Variants in PRKD1 observed in about 807,000 individuals in gnomAD.
PRKD1 encodes the protein serine/threonine-protein kinase D1.
PRKD1 carries 63 observed loss-of-function variants against 95.9 expected under a neutral mutation model. The ratio of observed to expected loss-of-function variants is 0.66; its 90% CI spans 0.54 to 0.81. The LOEUF is 0.81. Ranked by LOEUF, PRKD1 falls within the 30% of genes least tolerant of loss-of-function variation. PRKD1 has a pLI of 0.00. For missense variants in PRKD1, 1,048 were observed against 1,165.3 expected (o/e 0.90, Z 1.47); for synonymous variants, 425 against 423.1 (o/e 1.00, Z -0.05).
At chr14:29,767,488 A>G (rs1248702920) in intron 1 of PRKD1, among the ~76,000 whole-genome samples, 3 of 152,148 alleles carry the variant, frequency 2.0e-5, no homozygotes, top group African/African-American at 7.2e-5. Context: ...CTGGTCTCTC[A>G]TATATACATC....
chr14:29,770,467 C>T (rs528930633), intron 1 of PRKD1, among the ~76,000 whole-genome samples: 94 of 152,140 alleles, frequency 6.2e-4, no homozygotes, highest in African/African-American at 2.0e-3. Flanking sequence ...CCTAAGAGGT[C>T]GTGATCAAAA....
intron 1 of PRKD1, among the ~76,000 whole-genome samples, chr14:29,916,276 G>A (rs1423254837): frequency 6.6e-6 from 1 of 152,188 alleles, no homozygotes; most frequent in Non-Finnish European, 1.5e-5. Context: ...TACTCCGCTT[G>A]TAAAAAGCAA....
At position 29,599,119 on chromosome 14, in the gene PRKD1, C is replaced by T. The variant is rs758594741; in HGVS notation, c.2074G>A (p.Val692Met). The stretch of plus-strand genomic sequence containing the variant: ...TTAAAATGAAGGTGCCGCAAAGCCA[C>T]GAGTATCTGTAAAGAAGAATCACCA... Reference protein sequence around the residue: ...ITKFLITQILVALRHLHFKNI... With the variant: ...ITKFLITQILMALRHLHFKNI... The change falls in exon 15 of 18, where the codon GTG becomes ATG. Residue 692 changes from valine (V) to methionine (M), a missense_variant. By Grantham distance (21) the Val-to-Met change is conservative. Around this residue, in one of 3 missense-constraint regions of PRKD1, gnomAD observed 739 missense variants for 861.9 expected, o/e 0.86. Transcript: ENST00000331968. 20 of 1,612,286 alleles carry T rather than the reference C, an allele frequency of 1.2e-5. No individual in the cohort carries two copies. Among genetic ancestry groups the T allele is most frequent in the Admixed American group, 3.3e-5 (2 of 59,966 alleles).
At chr14:29,859,417 G>C (rs1892624635) in intron 1 of PRKD1, among the ~76,000 whole-genome samples, 2 of 152,066 alleles carry the variant, frequency 1.3e-5, no homozygotes, top group Admixed American at 6.6e-5. Context: ...GACCATCCTG[G>C]CTAACACGGT....
At chr14:29,890,009 G>C (rs932865769) in intron 1 of PRKD1, among the ~76,000 whole-genome samples, 5 of 152,180 alleles carry the variant, frequency 3.3e-5, no homozygotes, top group Non-Finnish European at 7.3e-5. Flanking sequence ...AAGGAACAGT[G>C]TCTAATTTTC....
intron 1 of PRKD1, among the ~76,000 whole-genome samples, chr14:29,784,333 C>A (rs1889176009): frequency 6.6e-6 from 1 of 152,056 alleles, no homozygotes; most frequent in Non-Finnish European, 1.5e-5. Context: ...TGTGATGCCT[C>A]CAGCTTTGTT....
intron 1 of PRKD1, among the ~76,000 whole-genome samples, chr14:29,783,865 T>C (rs1889155004): frequency 6.6e-6 from 1 of 152,200 alleles, no homozygotes; most frequent in African/African-American, 2.4e-5. Flanking sequence ...GTTGAGTTTG[T>C]TGTATATTCT....
chr14:29,850,527 T>C (rs1042680976), intron 1 of PRKD1, among the ~76,000 whole-genome samples: 1 of 142,188 alleles, frequency 7.0e-6, no homozygotes, highest in Non-Finnish European at 1.5e-5. Flanking sequence ...AACCAAGGAG[T>C]TGAAAGATCT....
At chr14:29,853,111 T>A (rs1892370436) in intron 1 of PRKD1, among the ~76,000 whole-genome samples, 1 of 152,162 alleles carries the variant, frequency 6.6e-6, no homozygotes, top group African/African-American at 2.4e-5. Flanking sequence ...CAAAATAGAC[T>A]TTAAATCAGA....
Position 29,826,828 on chromosome 14 carries a change from T to TAC in PRKD1, c.264+100420_264+100421insGT, listed in dbSNP as rs1382731692. ...ACATATATATACACATATATATATA[T>TAC]ATATATATATACACACATATATATA... On this transcript the variant is annotated intron_variant, in intron 1 of 17. Coordinates refer to ENST00000331968, the MANE Select transcript of PRKD1 (RefSeq NM_002742.3). 8.5e-5 allele frequency among the ~76,000 whole-genome samples: 3 copies of TAC among 35,286 alleles called. 1 individual carries two copies. Among genetic ancestry groups the TAC allele is most frequent in the African/African-American group, 2.0e-4 (2 of 9,788 alleles). The allele number at this position is 35,286 out of a possible 152,430, so 23.1% of individuals were successfully genotyped here.
At chr14:29,905,548 G>C (rs939128468) in intron 1 of PRKD1, among the ~76,000 whole-genome samples, 3 of 151,978 alleles carry the variant, frequency 2.0e-5, no homozygotes, top group African/African-American at 7.2e-5. Flanking sequence ...CAGCTTCTCA[G>C]TTCTTTAATA....
intron 1 of PRKD1, among the ~76,000 whole-genome samples, chr14:29,792,098 A>G (rs1594523042): frequency 1.3e-5 from 2 of 152,128 alleles, no homozygotes; most frequent in African/African-American, 4.8e-5. Context: ...TGATAGATCA[A>G]CAAAACTGAA....
At chr14:29,611,677 C>A (rs912521630) in intron 13 of PRKD1, among the ~76,000 whole-genome samples, 1 of 150,646 alleles carries the variant, frequency 6.6e-6, no homozygotes, top group African/African-American at 2.4e-5. Flanking sequence ...AAGTATGACC[C>A]CCTTCCCTTC....
chr14:29,804,871 C>T (rs565975100), intron 1 of PRKD1, among the ~76,000 whole-genome samples: 56 of 152,112 alleles, frequency 3.7e-4, no homozygotes, highest in Non-Finnish European at 6.3e-4. Context: ...TGACATTAAT[C>T]GATAACAATT....
At chr14:29,821,818 C>G (rs1386521343) in intron 1 of PRKD1, among the ~76,000 whole-genome samples, 1 of 152,054 alleles carries the variant, frequency 6.6e-6, no homozygotes, top group Non-Finnish European at 1.5e-5. Flanking sequence ...CAATAGCATC[C>G]TCCACATGAA....
chr14:29,702,967 C>T (rs1399101857), intron 2 of PRKD1, among the ~76,000 whole-genome samples: 1 of 151,816 alleles, frequency 6.6e-6, no homozygotes. Flanking sequence ...TTTGTTTGTC[C>T]TTTCTATTTT....
At chr14:29,666,038 C>T (rs1882481061) in intron 3 of PRKD1, 39 bp downstream of exon 3, 1 of 1,551,776 alleles carries the variant, frequency 6.4e-7, no homozygotes, top group African/African-American at 1.4e-5. Context: ...CACAGGAGAA[C>T]AGCACACATT....
chr14:29,924,853 A>G (rs1425426851), intron 1 of PRKD1, among the ~76,000 whole-genome samples: 1 of 152,126 alleles, frequency 6.6e-6, no homozygotes, highest in Non-Finnish European at 1.5e-5. Context: ...CAACACACAG[A>G]GATCCTGTAT....
chr14:29,788,945 G>C (rs1359206603), intron 1 of PRKD1, among the ~76,000 whole-genome samples: 1 of 151,958 alleles, frequency 6.6e-6, no homozygotes, highest in African/African-American at 2.4e-5. Context: ...TGAGTGCAGT[G>C]GCGTGATCAT....
Sources: gnomAD v4.1 joint callset for allele counts (sites outside exome capture counted in the v4.1 genomes callset) on GRCh38, gnomAD v4.1.1 for gene constraint, gnomAD v4.1.1 regional missense constraint, MANE v1.5 for transcripts, NCBI Gene and HGNC (gene_info 2026-07-23, HGNC 2026-07-21) for gene names.